Variants in CACNA1C observed in about 807,000 individuals in gnomAD.
CACNA1C encodes the protein calcium voltage-gated channel subunit alpha1 C.
CACNA1C carries 30 observed loss-of-function variants against 229.0 expected under a neutral mutation model. The observed-to-expected ratio is 0.13, with a 90% confidence interval of 0.10 to 0.18. CACNA1C has a LOEUF of 0.18. CACNA1C is among the 10% of genes least tolerant of loss of function. CACNA1C has a pLI of 1.00. For missense variants in CACNA1C, 1,658 were observed against 2,845.0 expected (o/e 0.58, Z 9.49); for synonymous variants, 1,114 against 1,132.5 (o/e 0.98, Z 0.33).
intron 3 of CACNA1C, among the ~76,000 whole-genome samples, chr12:2,279,168 A>G (rs933632342): frequency 6.6e-6 from 1 of 152,088 alleles, no homozygotes; most frequent in African/African-American, 2.4e-5. Flanking sequence ...TGCTTTGCAA[A>G]TATTTTATCT....
At chr12:2,110,968 C>T (rs1158329840) in intron 1 of CACNA1C, among the ~76,000 whole-genome samples, 1 of 151,778 alleles carries the variant, frequency 6.6e-6, no homozygotes, top group African/African-American at 2.4e-5. Context: ...ACACCTGTCT[C>T]ACCCGAGAGG....
At chr12:2,257,540 G>A (rs550695781) in intron 3 of CACNA1C, among the ~76,000 whole-genome samples, 5 of 152,344 alleles carry the variant, frequency 3.3e-5, no homozygotes, top group African/African-American at 1.2e-4. Flanking sequence ...TAATGCTGCT[G>A]CTGATCTGAC....
At chr12:2,021,099 T>G (rs2046365309) in intron 1 of CACNA1C, among the ~76,000 whole-genome samples, 1 of 152,242 alleles carries the variant, frequency 6.6e-6, no homozygotes, top group Admixed American at 6.5e-5. Context: ...TAATCACTAA[T>G]TATCACTCAG....
rs2059933936 is a variant in CACNA1C, at chr12:2,067,775, G to A, written c.49+14164G>A. ...GCAACGGTAGAAAGGAGGAGTGATG[G>A]GGCAATCAAGACCACAAGTGCCAAC... is the stretch of plus-strand genomic sequence containing the variant. On this transcript the variant is annotated intron_variant, in intron 1 of 46. Transcript: ENST00000399655. This position sits in a 1 kb window ranked among gnomAD's most constrained non-coding sequence, Gnocchi z 5.3. Among the ~76,000 whole-genome samples the A allele has an allele frequency of 6.6e-6, 1 of 151,968 alleles. No homozygotes were observed. Among genetic ancestry groups the A allele is most frequent in the Non-Finnish European group, 1.5e-5 (1 of 67,986 alleles).
chr12:2,382,751 C>T (rs574028491), intron 3 of CACNA1C, among the ~76,000 whole-genome samples: 4 of 152,300 alleles, frequency 2.6e-5, no homozygotes, highest in African/African-American at 9.6e-5. Flanking sequence ...GCACCCTTTA[C>T]CTCCTCATTA....
intron 1 of CACNA1C, among the ~76,000 whole-genome samples, chr12:2,009,535 T>C (rs2044027435): frequency 6.6e-6 from 1 of 152,222 alleles, no homozygotes; most frequent in South Asian, 2.1e-4. Context: ...TGTAGTAGAA[T>C]ATGTTAGAAT....
At chr12:2,402,311 A>T (rs2098689443) in intron 3 of CACNA1C, among the ~76,000 whole-genome samples, 2 of 152,264 alleles carry the variant, frequency 1.3e-5, no homozygotes, top group Non-Finnish European at 2.9e-5. Context: ...GTTGAGCGCC[A>T]CGTGCAACGT....
intron 1 of CACNA1C, among the ~76,000 whole-genome samples, chr12:2,039,756 G>T (rs2049761381): frequency 6.6e-6 from 1 of 152,166 alleles, no homozygotes; most frequent in African/African-American, 2.4e-5. Context: ...AAGGATGGAG[G>T]TCTGCAGTTT....
chr12:2,463,303 A>G (rs2099527766), intron 5 of CACNA1C, among the ~76,000 whole-genome samples: 1 of 152,214 alleles, frequency 6.6e-6, no homozygotes, highest in Non-Finnish European at 1.5e-5. Context: ...CGAGGGTACA[A>G]GTCCATGAGT....
chr12:2,194,595 T>A (rs1250037795), intron 3 of CACNA1C, among the ~76,000 whole-genome samples: 3 of 152,168 alleles, frequency 2.0e-5, no homozygotes, highest in Non-Finnish European at 4.4e-5. Context: ...TCCTTCCCCC[T>A]TCCTGCTCTG....
chr12:2,069,423 G>C (rs1205355302), intron 1 of CACNA1C, among the ~76,000 whole-genome samples: 1 of 152,210 alleles, frequency 6.6e-6, no homozygotes, highest in Non-Finnish European at 1.5e-5. Flanking sequence ...GGGTGTGCCT[G>C]TACGTGTGTG....
intron 29 of CACNA1C, among the ~76,000 whole-genome samples, chr12:2,621,277 C>T (rs1370404810): frequency 1.3e-5 from 2 of 152,016 alleles, no homozygotes; most frequent in Non-Finnish European, 1.5e-5. Flanking sequence ...AGTGAAGAGG[C>T]ACCTGTTTAA....
intron 3 of CACNA1C, among the ~76,000 whole-genome samples, chr12:2,309,215 A>G (rs111326412): frequency 6.6e-6 from 1 of 152,192 alleles, no homozygotes; most frequent in Non-Finnish European, 1.5e-5. Flanking sequence ...AGAGGACACT[A>G]TGCTAAGTGA....
At chr12:2,662,619 A>G (rs1249070533) in intron 34 of CACNA1C, among the ~76,000 whole-genome samples, 1 of 152,234 alleles carries the variant, frequency 6.6e-6, no homozygotes, top group African/African-American at 2.4e-5. Context: ...GATTATTCAC[A>G]GAGGCTGAAA....
At chr12:2,624,937 G>T (rs1269473805) in intron 29 of CACNA1C, among the ~76,000 whole-genome samples, 1 of 152,218 alleles carries the variant, frequency 6.6e-6, no homozygotes, top group Non-Finnish European at 1.5e-5. Context: ...CCCAGCCTTC[G>T]CCATCGGCAC....
At position 2,541,018 on chromosome 12, in the gene CACNA1C, G is replaced by A. The variant is rs533698803; in HGVS notation, c.1391-8925G>A. 6.5e-4 allele frequency among the ~76,000 whole-genome samples: 99 copies of A among 152,278 alleles called. No homozygotes were observed. In the Middle Eastern group the frequency reaches 0.01, roughly 16 times the overall value. On this transcript the variant is annotated intron_variant, in intron 9 of 46. Transcript: ENST00000399655. ...CCAGGCCTCTCTTTGGCTTGCAGGT[G>A]GCTGTCTTGTCTCTGAGTCTTCACA...
intron 3 of CACNA1C, among the ~76,000 whole-genome samples, chr12:2,138,341 T>C (rs1184765443): frequency 6.6e-6 from 1 of 151,146 alleles, no homozygotes; most frequent in Non-Finnish European, 1.5e-5. Flanking sequence ...CAAGCCTTGG[T>C]GTGGCCTGTG....
intron 13 of CACNA1C, among the ~76,000 whole-genome samples, chr12:2,568,248 C>CCACTCCCAGAAGT (rs1479209051): frequency 4.6e-5 from 7 of 152,114 alleles, no homozygotes; most frequent in Non-Finnish European, 1.0e-4. Flanking sequence ...GTCAGCTTCT[C>CCACTCCCAGAAGT]CACTCCCAGA....
At chr12:2,232,179 G>A (rs544090071) in intron 3 of CACNA1C, among the ~76,000 whole-genome samples, 7 of 146,048 alleles carry the variant, frequency 4.8e-5, no homozygotes, top group South Asian at 2.2e-4. Context: ...TTTAGTCATC[G>A]TGTCTCCTTT....
Sources: allele counts gnomAD v4.1 joint callset (sites outside exome capture counted in the v4.1 genomes callset), GRCh38; gene constraint gnomAD v4.1.1; non-coding constraint Gnocchi (gnomAD v3.1); transcripts MANE v1.5; gene names NCBI Gene and HGNC (gene_info 2026-07-23, HGNC 2026-07-21).